ADAMTS12: variants seen among roughly 807,000 people sequenced by gnomAD.
ADAMTS12 encodes ADAM metallopeptidase with thrombospondin type 1 motif 12, also known as A disintegrin and metalloproteinase with thrombospondin motifs 12.
ADAMTS12 carries 118 observed loss-of-function variants against 167.8 expected under a neutral mutation model. The ratio of observed to expected loss-of-function variants is 0.70; its 90% CI spans 0.61 to 0.82. The LOEUF (loss-of-function observed/expected upper bound fraction) is 0.82, where lower values mean the gene tolerates loss of function less well. Ranked by LOEUF, ADAMTS12 falls within the 40% of genes least tolerant of loss-of-function variation. The pLI is 0.00. For synonymous variants in ADAMTS12, 704 were observed against 716.9 expected (o/e 0.98, Z 0.29); for missense variants, 1,916 against 1,998.8 (o/e 0.96, Z 0.79).
At chr5:33,787,549 G>T (rs530992124) in intron 2 of ADAMTS12, among the ~76,000 whole-genome samples, 1 of 152,344 alleles carries the variant, frequency 6.6e-6, no homozygotes, top group South Asian at 2.1e-4. Flanking sequence ...AAGTATATGG[G>T]GTAGGTTTGG....
At chr5:33,535,056 GAAC>G in intron 22 of ADAMTS12, 64 bp from the exon 23 acceptor site, 3 of 1,480,282 alleles carry the variant, frequency 2.0e-6, no homozygotes, top group Non-Finnish European at 2.7e-6. Flanking sequence ...AACACCAGTA[GAAC>G]ACCTCCAATC....
In ADAMTS12 at chr5:33,576,051, T is replaced by A; in HGVS notation, c.3972+3A>T. 6.2e-7 allele frequency: 1 copy of A among 1,609,326 alleles called. No individual in the cohort carries two copies. The highest frequency in any genetic ancestry group is 8.5e-7 in the Non-Finnish European group (1 of 1,177,134). ...ACCAGGCCAGGGGTAGGAAATGTCT[T>A]ACCTCGCTCCAGTTTCCGACGATCC... On this transcript the variant is annotated splice_donor_region_variant and intron_variant, in intron 19 of 23. Coordinates refer to ENST00000504830, the MANE Select transcript of ADAMTS12 (RefSeq NM_030955.4).
chr5:33,828,987 ATGC>A (rs1282685399), intron 2 of ADAMTS12, among the ~76,000 whole-genome samples: 1 of 152,176 alleles, frequency 6.6e-6, no homozygotes, highest in Non-Finnish European at 1.5e-5. Context: ...GGAAAGGGTC[ATGC>A]TGCTATTTGC....
At chr5:33,839,118 T>A (rs765387198) in intron 2 of ADAMTS12, among the ~76,000 whole-genome samples, 2 of 152,210 alleles carry the variant, frequency 1.3e-5, no homozygotes, top group Non-Finnish European at 2.9e-5. Context: ...CAGAAGAGCG[T>A]TGAGATCAAG....
chr5:33,560,610 T>A (rs1745693865), intron 20 of ADAMTS12, among the ~76,000 whole-genome samples: 1 of 152,076 alleles, frequency 6.6e-6, no homozygotes, highest in Non-Finnish European at 1.5e-5. Flanking sequence ...GATAAGTGCA[T>A]GTCCTTTGTA....
chr5:33,568,507 A>G (rs564344377), intron 19 of ADAMTS12, among the ~76,000 whole-genome samples: 9 of 152,344 alleles, frequency 5.9e-5, no homozygotes, highest in African/African-American at 1.9e-4. Flanking sequence ...CAGAGTGGGA[A>G]GAGACAGAAG....
chr5:33,565,659 G>T, intron 19 of ADAMTS12, among the ~76,000 whole-genome samples: 1 of 139,544 alleles, frequency 7.2e-6, no homozygotes. Context: ...CACCACTGTT[G>T]CCAGTTTTTT....
chr5:33,889,742 C>T (rs1477195779), intron 1 of ADAMTS12, among the ~76,000 whole-genome samples: 1 of 152,150 alleles, frequency 6.6e-6, no homozygotes, highest in East Asian at 1.9e-4. Context: ...CACCTGAGGT[C>T]AGGAGTTGGA....
chr5:33,714,934 A>T (rs1041529586), intron 3 of ADAMTS12, among the ~76,000 whole-genome samples: 12 of 152,226 alleles, frequency 7.9e-5, no homozygotes, highest in African/African-American at 2.6e-4. Flanking sequence ...ACTTCAAAAC[A>T]ACTAAATGAA....
intron 3 of ADAMTS12, among the ~76,000 whole-genome samples, chr5:33,689,368 T>C (rs1391738749): frequency 7.4e-6 from 1 of 135,622 alleles, no homozygotes; most frequent in African/African-American, 2.8e-5. Flanking sequence ...TCTGGGATCA[T>C]CTGCCTAATA....
intron 1 of ADAMTS12, among the ~76,000 whole-genome samples, chr5:33,889,944 T>G (rs1038879332): frequency 1.3e-5 from 2 of 152,132 alleles, no homozygotes; most frequent in Non-Finnish European, 2.9e-5. Flanking sequence ...AGAGCAAGAC[T>G]CAGCCTCGAA....
At chr5:33,830,050 T>A (rs1748234168) in intron 2 of ADAMTS12, among the ~76,000 whole-genome samples, 1 of 152,184 alleles carries the variant, frequency 6.6e-6, no homozygotes, top group Non-Finnish European at 1.5e-5. Context: ...GGTCAGTGGC[T>A]TTGATATAAA....
intron 1 of ADAMTS12, among the ~76,000 whole-genome samples, chr5:33,889,196 C>T (rs749645222): frequency 1.6e-4 from 24 of 152,006 alleles, no homozygotes; most frequent in Non-Finnish European, 3.1e-4. Context: ...TTCCTGTAAT[C>T]GCAGCATTTG....
In ADAMTS12 at chr5:33,863,733, G is replaced by A. The variant is rs1580002318; in HGVS notation, c.489+17386C>T. ...AAATTTCATATGAAACTAAAAAAGA[G>A]CCCGTAGAGCCAAGACAATCTTAAT... On this transcript the variant is annotated intron_variant, in intron 2 of 23. Coordinates refer to ENST00000504830, the MANE Select transcript of ADAMTS12 (RefSeq NM_030955.4). Among the ~76,000 whole-genome samples, 3 of 152,084 alleles carry A rather than the reference G, an allele frequency of 2.0e-5. No individual in the cohort carries two copies. The East Asian group carries it at 5.8e-4, about 29-fold the overall frequency.
chr5:33,528,530 G>A (rs1369657748), intron 23 of ADAMTS12, among the ~76,000 whole-genome samples: 2 of 152,226 alleles, frequency 1.3e-5, no homozygotes, highest in African/African-American at 4.8e-5. Context: ...TGTCTTCCAT[G>A]CTTCACTACA....
At chr5:33,851,463 A>G (rs773273588) in intron 2 of ADAMTS12, among the ~76,000 whole-genome samples, 1 of 152,210 alleles carries the variant, frequency 6.6e-6, no homozygotes, top group Non-Finnish European at 1.5e-5. Context: ...TCAAATTTGA[A>G]TCTCTTTATT....
intron 19 of ADAMTS12, among the ~76,000 whole-genome samples, chr5:33,574,320 C>T (rs1437846286): frequency 2.0e-5 from 3 of 151,948 alleles, no homozygotes; most frequent in Admixed American, 1.3e-4. Flanking sequence ...CGGCACTATT[C>T]ACAATAGCAA....
intron 3 of ADAMTS12, chr5:33,751,080 T>C: frequency 2.3e-6 from 1 of 427,756 alleles, no homozygotes. Flanking sequence ...TCCTGTAGAC[T>C]ATTCAGAAGA....
At chr5:33,845,307 C>T (rs906660910) in intron 2 of ADAMTS12, among the ~76,000 whole-genome samples, 1 of 152,114 alleles carries the variant, frequency 6.6e-6, no homozygotes, top group Non-Finnish European at 1.5e-5. Flanking sequence ...AACTATAGGG[C>T]TGGGAAAGTA....
Sources: gnomAD v4.1 joint callset for allele counts (sites outside exome capture counted in the v4.1 genomes callset) on GRCh38, gnomAD v4.1.1 for gene constraint, MANE v1.5 for transcripts, NCBI Gene and HGNC (gene_info 2026-07-23, HGNC 2026-07-21) for gene names.